The following ITGB3 variants were observed in gnomAD, a reference collection of about 807,000 sequenced individuals.
ITGB3 encodes the protein integrin beta-3.
ITGB3 carries 48 observed loss-of-function variants against 85.8 expected under a neutral mutation model. The ratio of observed to expected loss-of-function variants is 0.56; its 90% CI spans 0.44 to 0.71. ITGB3 has a LOEUF of 0.71. Ranked by LOEUF, ITGB3 falls within the 30% of genes least tolerant of loss-of-function variation. The pLI, the probability that ITGB3 is intolerant of heterozygous loss-of-function variation, is 0.00. For synonymous variants in ITGB3, 363 were observed against 395.6 expected, an observed-to-expected ratio of 0.92 and a Z score of 0.98; for missense variants, 861 against 1,019.1, an observed-to-expected ratio of 0.84 and a Z score of 2.11.
At chr17:47,254,294 A>G (rs568070064) in intron 1 of ITGB3, among the ~76,000 whole-genome samples, 2 of 151,964 alleles carry the variant, frequency 1.3e-5, no homozygotes, top group South Asian at 2.1e-4. Context: ...CGGGCCAAGG[A>G]CGACTGGCCC....
At position 47,284,636 on chromosome 17, in the gene ITGB3, G is replaced by T. The variant is rs2143093011; in HGVS notation, c.555G>T (p.Lys185Asn). 6.2e-7 allele frequency: 1 copy of T among 1,614,110 alleles called. No individual in the cohort carries two copies. The highest frequency in any genetic ancestry group is 8.5e-7 in the Non-Finnish European group (1 of 1,180,018). ...LRIGFGAFVD[K>N]PVSPYMYISP... ...TTGGCTTCGGGGCATTTGTGGACAA[G>T]CCTGTGTCACCATACATGTATATCT... is the stretch of plus-strand genomic sequence containing the variant. The change falls in exon 4 of 15, where the codon AAG (lysine) becomes AAT (asparagine). Residue 185 changes from lysine to asparagine, a missense_variant. Coordinates refer to ENST00000559488, the MANE Select transcript of ITGB3 (RefSeq NM_000212.3).
At chr17:47,263,968 C>T (rs988298184) in intron 1 of ITGB3, among the ~76,000 whole-genome samples, 1 of 152,192 alleles carries the variant, frequency 6.6e-6, no homozygotes, top group Non-Finnish European at 1.5e-5. Context: ...TTCCAATGAA[C>T]AGTTTGGAAA....
chr17:47,274,589 T>C, intron 2 of ITGB3, 85 bp downstream of exon 2: 2 of 1,132,750 alleles, frequency 1.8e-6, no homozygotes, highest in South Asian at 2.5e-5. Context: ...ATCACCTCCC[T>C]CTTGAATACA....
intron 1 of ITGB3, among the ~76,000 whole-genome samples, chr17:47,259,935 T>C (rs1037003867): frequency 2.6e-5 from 4 of 152,172 alleles, no homozygotes; most frequent in Non-Finnish European, 5.9e-5. Context: ...TATTGTTATT[T>C]CTCAAATAGG....
At position 47,300,596 on chromosome 17, in the gene ITGB3, T is replaced by TA. The variant is rs746347192; in HGVS notation, c.2014+19dup. ...AGAGCTTAGTAAGTTCAGCACATCT[T>TA]AGAGTTGCACACACCCAGGTTCTAA... On this transcript the variant is annotated intron_variant, in intron 12 of 14. Transcript: ENST00000559488. The TA allele has an allele frequency of 2.6e-5, 41 of 1,577,214 alleles. No homozygotes were observed. The Admixed American group carries it at 4.0e-4, about 16-fold the overall frequency.
At chr17:47,262,413 C>A (rs2065011659) in intron 1 of ITGB3, among the ~76,000 whole-genome samples, 1 of 152,164 alleles carries the variant, frequency 6.6e-6, no homozygotes, top group African/African-American at 2.4e-5. Context: ...TCTTGAGATG[C>A]AGCGTTTGAG....
chr17:47,288,284 G>A (rs183051190), intron 6 of ITGB3, among the ~76,000 whole-genome samples: 200 of 151,962 alleles, frequency 1.3e-3, no homozygotes, highest in African/African-American at 2.1e-3. Flanking sequence ...CAGGTCCTAC[G>A]AGGAAAGATT....
intron 13 of ITGB3, among the ~76,000 whole-genome samples, chr17:47,305,262 C>T (rs1255850864): frequency 6.6e-6 from 1 of 152,184 alleles, no homozygotes; most frequent in African/African-American, 2.4e-5. Context: ...AACACTGGAA[C>T]CTCACAGCCT....
Position 47,291,085 on chromosome 17 carries a change from C to T in ITGB3, c.1257C>T (p.Asp419=), listed in dbSNP as rs776611197. ...CTTGTATGGGACTCAAGATTGGAGACACGGTGAGGTGGGCTGGGCAGGGCC... is the reference window on the plus strand; with the variant it reads ...CTTGTATGGGACTCAAGATTGGAGATACGGTGAGGTGGGCTGGGCAGGGCC... ...LKSCMGLKIG[D]TVSFSIEAKV... Residue 419 remains aspartate, a synonymous_variant, in exon 9 of 15, where the codon GAC becomes GAT. Coordinates refer to ENST00000559488, the MANE Select transcript of ITGB3 (RefSeq NM_000212.3). 1 of 1,614,150 alleles carries T rather than the reference C, an allele frequency of 6.2e-7. No homozygotes were observed. The highest frequency in any genetic ancestry group is 8.5e-7 in the Non-Finnish European group (1 of 1,180,038).
intron 10 of ITGB3, among the ~76,000 whole-genome samples, chr17:47,293,781 T>C (rs900525422): frequency 2.0e-5 from 3 of 152,130 alleles, no homozygotes; most frequent in African/African-American, 7.2e-5. Flanking sequence ...CTAATTTTGG[T>C]ATTTTTAGTA....
intron 1 of ITGB3, among the ~76,000 whole-genome samples, chr17:47,262,977 A>G (rs1016645466): frequency 1.3e-5 from 2 of 152,192 alleles, no homozygotes; most frequent in Non-Finnish European, 2.9e-5. Context: ...GTGGCTGGTT[A>G]GACCCGTTAA....
At position 47,311,341 on chromosome 17, in the gene ITGB3, G is replaced by A. The variant is rs1336413833; in HGVS notation, c.*1137G>A. The A allele has an allele frequency of 6.5e-6, 1 of 152,750 alleles. No homozygotes were observed. Among genetic ancestry groups the A allele is most frequent in the Non-Finnish European group, 1.5e-5 (1 of 68,094 alleles). 9.5% of individuals were successfully genotyped at this position (152,750 alleles called of 1,614,324 possible). A position where few individuals can be genotyped will look rare whatever the true frequency, so the allele number is the denominator to read the frequency against. ...AATAAGTGCCAGGATGGAATGATGGGTCAGTTGTATCAGCACGTGTGGCCT... is the reference window on the plus strand; with the variant it reads ...AATAAGTGCCAGGATGGAATGATGGATCAGTTGTATCAGCACGTGTGGCCT... On this transcript the variant is annotated 3_prime_UTR_variant, in exon 15 of 15. Coordinates refer to ENST00000559488, the MANE Select transcript of ITGB3 (RefSeq NM_000212.3).
chr17:47,284,394 A>C (rs1421961597), intron 3 of ITGB3, 49 bp from the exon 4 acceptor site: 2 of 1,612,264 alleles, frequency 1.2e-6, no homozygotes, highest in Non-Finnish European at 1.7e-6. Flanking sequence ...CTGCTTATTC[A>C]ATCTTGGTGG....
In ITGB3 at chr17:47,268,469, T is replaced by C. The variant is rs563251275; in HGVS notation, c.80-5950T>C. On this transcript the variant is annotated intron_variant, in intron 1 of 14. Transcript: ENST00000559488. ...AACGGGAGTGGAGGCATTGGGTAAA[T>C]ACAGCCATTCCAAATGGGAGAAATT... Among the ~76,000 whole-genome samples the C allele has an allele frequency of 2.6e-5, 4 of 152,258 alleles. No individual in the cohort carries two copies. In the East Asian group the frequency reaches 7.7e-4, roughly 29 times the overall value.
intron 13 of ITGB3, among the ~76,000 whole-genome samples, chr17:47,304,743 G>T (rs2065180969): frequency 6.6e-6 from 1 of 151,976 alleles, no homozygotes; most frequent in Non-Finnish European, 1.5e-5. Flanking sequence ...GAGTAGCTGG[G>T]ATTACAGGCG....
At chr17:47,255,234 C>A (rs1461923448) in intron 1 of ITGB3, among the ~76,000 whole-genome samples, 1 of 152,182 alleles carries the variant, frequency 6.6e-6, no homozygotes, top group East Asian at 1.9e-4. Context: ...CCACCTCAGC[C>A]TCCCAAAGTG....
intron 8 of ITGB3, 133 bp from the exon 9 acceptor site, chr17:47,290,821 A>T (rs1175698014): frequency 6.8e-6 from 7 of 1,025,590 alleles, no homozygotes; most frequent in Non-Finnish European, 1.1e-5. Flanking sequence ...TCCAGGTCAA[A>T]CCTTGGCCTC....
rs371212285 is a variant in ITGB3, at chr17:47,290,865, C to G, written c.1126-89C>G. On this transcript the variant is annotated intron_variant, in intron 8 of 14. Coordinates refer to ENST00000559488, the MANE Select transcript of ITGB3 (RefSeq NM_000212.3). ...CTGGGGTGAGTCCAGAGCTACTTGC[C>G]AGATTTGGCTTGGGATGGAACTGGC... 2,166 of 1,512,318 alleles carry G rather than the reference C, an allele frequency of 1.4e-3. 43 individuals carry two copies. In the South Asian group the frequency reaches 0.023, roughly 16 times the overall value. 93.7% of individuals were successfully genotyped at this position (1,512,318 alleles called of 1,614,324 possible). A position where few individuals can be genotyped will look rare whatever the true frequency, so the allele number is the denominator to read the frequency against.
At position 47,290,191 on chromosome 17, in the gene ITGB3, A is replaced by G. The variant is rs974965422; in HGVS notation, c.1042A>G (p.Ser348Gly). Residue 348 changes from serine (S) to glycine (G), a missense_variant, in exon 8 of 15, where the codon AGT (serine) becomes GGT (glycine). Physicochemically the swap from Ser to Gly is moderately conservative, Grantham distance 56. Coordinates refer to ENST00000559488, the MANE Select transcript of ITGB3 (RefSeq NM_000212.3). ...TCTTTGTTTTCCTTTCTAGAACTAT[A>G]GTGAGCTCATCCCAGGGACCACAGT... ...ENVVNLYQNY[S>G]ELIPGTTVGV... is the part of the protein sequence containing the mutation. The G allele has an allele frequency of 2.5e-5, 40 of 1,613,538 alleles. No homozygotes were observed. Among genetic ancestry groups the G allele is most frequent in the Non-Finnish European group, 3.3e-5 (39 of 1,179,602 alleles).
Sources: gnomAD v4.1 joint callset for allele counts (sites outside exome capture counted in the v4.1 genomes callset) on GRCh38, gnomAD v4.1.1 for gene constraint, MANE v1.5 for transcripts, NCBI Gene and HGNC (gene_info 2026-07-23, HGNC 2026-07-21) for gene names.